Variants in DPH6 observed in about 807,000 individuals in gnomAD.
The protein encoded by DPH6 is diphthamine biosynthesis 6.
Under a neutral mutation model 38.2 loss-of-function variants are expected in DPH6, and 33 were observed. The ratio of observed to expected loss-of-function variants is 0.86; its 90% CI spans 0.65 to 1.15. The LOEUF is 1.15. Among genes scored for constraint, DPH6 ranks in the 50% most tolerant of loss-of-function variants. DPH6 has a pLI of 0.00. For synonymous variants in DPH6, 108 were observed against 103.0 expected (o/e 1.05, Z -0.30); for missense variants, 325 against 320.0 (o/e 1.02, Z -0.12).
chr15:35,361,925 T>G (rs1425128643), intron 3 of DPH6, among the ~76,000 whole-genome samples: 2 of 145,746 alleles, frequency 1.4e-5, no homozygotes, highest in Non-Finnish European at 2.9e-5. Flanking sequence ...TAATTCATAT[T>G]AATAGATTTT....
intron 3 of DPH6, among the ~76,000 whole-genome samples, chr15:35,354,617 C>T (rs917572009): frequency 2.0e-5 from 3 of 152,136 alleles, no homozygotes; most frequent in African/African-American, 7.2e-5. Context: ...AGCCTTGCAT[C>T]CCAGGGATGA....
At chr15:35,365,861 C>T in intron 3 of DPH6, 1 of 985,274 alleles carries the variant, frequency 1.0e-6, no homozygotes, top group Non-Finnish European at 1.2e-6. Context: ...GCAGTACCTA[C>T]AGCCCAGCAC....
chr15:35,224,546 T>C (rs927502187), intron 3 of DPH6, among the ~76,000 whole-genome samples: 1 of 152,224 alleles, frequency 6.6e-6, no homozygotes, highest in Non-Finnish European at 1.5e-5. Context: ...TGTATTGGTT[T>C]TTTAATAAAT....
the DPH6 span, among the ~76,000 whole-genome samples, chr15:35,200,428 C>T: frequency 0.98 from 149,788 of 152,232 alleles, 73,751 homozygotes; most frequent in East Asian, 1. Context: ...CTTTGTTGGA[C>T]TGTATCCTAA....
intron 7 of DPH6, 118 bp from the exon 8 acceptor site, chr15:35,373,726 C>T (rs1262210178): frequency 1.2e-5 from 7 of 602,278 alleles, no homozygotes; most frequent in Non-Finnish European, 1.9e-5. Flanking sequence ...CATTGGTATA[C>T]AACATGTAGT....
chr15:35,335,188 G>A (rs536678260), intron 3 of DPH6, among the ~76,000 whole-genome samples: 2 of 152,204 alleles, frequency 1.3e-5, no homozygotes, highest in Admixed American at 6.5e-5. Flanking sequence ...TTTGTTGGCT[G>A]CATGTATGCC....
chr15:35,342,614 G>C (rs986213603), intron 3 of DPH6, among the ~76,000 whole-genome samples: 1 of 152,206 alleles, frequency 6.6e-6, no homozygotes, highest in African/African-American at 2.4e-5. Flanking sequence ...AATTGGCCAT[G>C]TTGGCCCCTC....
chr15:35,194,645 A>G, the DPH6 span, among the ~76,000 whole-genome samples: 1 of 152,382 alleles, frequency 6.6e-6, no homozygotes, highest in South Asian at 2.1e-4. Flanking sequence ...ATGTAACTAC[A>G]TACAGGATTT....
At chr15:35,320,649 C>T (rs1389787924) in intron 3 of DPH6, among the ~76,000 whole-genome samples, 5 of 152,134 alleles carry the variant, frequency 3.3e-5, no homozygotes, top group Non-Finnish European at 7.4e-5. Context: ...TTTCATGGTT[C>T]CTTTCGTTTT....
intron 3 of DPH6, among the ~76,000 whole-genome samples, chr15:35,264,035 C>CT (rs1379716807): frequency 6.6e-6 from 1 of 151,520 alleles, no homozygotes; most frequent in Non-Finnish European, 1.5e-5. Context: ...TTTAAAGGGC[C>CT]TTTTTTCTAG....
intron 3 of DPH6, among the ~76,000 whole-genome samples, chr15:35,507,160 C>T (rs2054705168): frequency 6.6e-6 from 1 of 151,878 alleles, no homozygotes; most frequent in African/African-American, 2.4e-5. Context: ...AATAATCAGA[C>T]ACTAATATTT....
intron 5 of DPH6, among the ~76,000 whole-genome samples, chr15:35,425,101 AC>A (rs748573686): frequency 1.3e-5 from 2 of 151,652 alleles, no homozygotes; most frequent in Non-Finnish European, 3.0e-5. Flanking sequence ...TTTCTATAAG[AC>A]AATTCACTGG....
the DPH6 span, among the ~76,000 whole-genome samples, chr15:35,197,403 C>T: frequency 6.6e-6 from 1 of 152,108 alleles, no homozygotes. Context: ...TAGAATTTTA[C>T]ATCTTGTAGT....
rs58422347 is a variant in DPH6, at chr15:35,542,965, T to TATATATATATATATATAAAA, written c.24-459_24-458insTTTTATATATATATATATAT. Among the ~76,000 whole-genome samples the TATATATATATATATATAAAA allele has an allele frequency of 4.7e-4, 36 of 76,164 alleles. 3 individuals are homozygous for TATATATATATATATATAAAA. The highest frequency in any genetic ancestry group is 8.6e-3 in the Middle Eastern group (1 of 116). 50.0% of individuals were successfully genotyped at this position (76,164 alleles called of 152,430 possible). A position where few individuals can be genotyped will look rare whatever the true frequency, so the allele number is the denominator to read the frequency against. ...TAAGGAATATATATATATATATATATAAAATAATTTCATAGAAATTATTGG... is the reference window on the plus strand; with the variant it reads ...TAAGGAATATATATATATATATATATATATATATATATATATAAAAAAAATAATTTCATAGAAATTATTGG... On this transcript the variant is annotated intron_variant, in intron 1 of 8. Transcript: ENST00000256538.
intron 3 of DPH6, chr15:35,238,263 C>T (rs984734153): frequency 3.5e-5 from 16 of 452,700 alleles, no homozygotes; most frequent in South Asian, 1.5e-4. Flanking sequence ...ACTATTTTTA[C>T]TGCCAAAAAA....
downstream of DPH6, among the ~76,000 whole-genome samples, chr15:35,328,590 G>A (rs2140857119): frequency 6.6e-6 from 1 of 152,242 alleles, no homozygotes; most frequent in East Asian, 1.9e-4. Context: ...AAGGTACTAC[G>A]AGGAAATAAA....
In DPH6 at chr15:35,372,205, T is replaced by TA. The variant is rs141638132; in HGVS notation, c.751-3dup. Reference sequence around the variant, plus strand: ...GTAGTTGTCAGGCACTGAGGACACCTAAAAAAAAAAGGGAAGGAAAGGGAA... The same window carrying TA: ...GTAGTTGTCAGGCACTGAGGACACCTAAAAAAAAAAAGGGAAGGAAAGGGAA... On this transcript the variant is annotated splice_polypyrimidine_tract_variant and splice_region_variant and intron_variant, in intron 8 of 8. Transcript: ENST00000256538. 3.1e-3 allele frequency: 3,962 copies of TA among 1,295,170 alleles called. No individual in the cohort carries two copies. The highest frequency in any genetic ancestry group is 5.7e-3 in the South Asian group (348 of 60,874). 80.2% of individuals were successfully genotyped at this position (1,295,170 alleles called of 1,614,324 possible).
intron 3 of DPH6, among the ~76,000 whole-genome samples, chr15:35,485,116 C>T (rs892083636): frequency 1.3e-5 from 2 of 152,040 alleles, no homozygotes; most frequent in African/African-American, 4.8e-5. Context: ...GTAGATACCA[C>T]GATTATCCTA....
intron 3 of DPH6, among the ~76,000 whole-genome samples, chr15:35,278,864 G>C (rs879720269): frequency 1.3e-5 from 2 of 151,816 alleles, no homozygotes; most frequent in African/African-American, 4.8e-5. Context: ...CCTGACTAAC[G>C]TGGTGAAACC....
Sources: allele counts gnomAD v4.1 joint callset (sites outside exome capture counted in the v4.1 genomes callset), GRCh38; gene constraint gnomAD v4.1.1; transcripts MANE v1.5; gene names NCBI Gene and HGNC (gene_info 2026-07-23, HGNC 2026-07-21).